Variants in NALF1 observed in about 807,000 individuals in gnomAD.
NALF1 encodes the protein family with sequence similarity 155 member A.
NALF1 carries 3 observed loss-of-function variants against 48.4 expected under a neutral mutation model. The observed-to-expected ratio is 0.06, with a 90% CI of 0.03 to 0.16. The LOEUF is 0.16. Among genes scored for constraint, NALF1 ranks in the 10% least tolerant of loss-of-function variants. The probability of loss-of-function intolerance (pLI) is 1.00; values close to 1 mark genes in which losing one functional copy is unlikely to be tolerated. For synonymous variants in NALF1, 262 were observed against 245.7 expected (o/e 1.07, Z -0.62); for missense variants, 526 against 571.5 (o/e 0.92, Z 0.81).
At chr13:107,619,771 G>A (rs560312394) in intron 1 of NALF1, among the ~76,000 whole-genome samples, 4 of 152,152 alleles carry the variant, frequency 2.6e-5, no homozygotes, top group East Asian at 1.9e-4. Context: ...GCAGAACTAC[G>A]ACAAGAATGT....
intron 1 of NALF1, among the ~76,000 whole-genome samples, chr13:107,385,650 T>C (rs1239763688): frequency 3.3e-5 from 5 of 151,696 alleles, no homozygotes. Flanking sequence ...TAGAAATTAA[T>C]TACACTGAAA....
chr13:107,494,962 C>G (rs1200273082), intron 1 of NALF1, among the ~76,000 whole-genome samples: 1 of 152,180 alleles, frequency 6.6e-6, no homozygotes, highest in Non-Finnish European at 1.5e-5. Flanking sequence ...ATAAGACAAG[C>G]AACTGCTTCT....
intron 1 of NALF1, among the ~76,000 whole-genome samples, chr13:107,519,986 AT>A (rs1566375050): frequency 1.3e-5 from 2 of 152,208 alleles, no homozygotes; most frequent in East Asian, 3.8e-4. Context: ...TGCTTTAAAA[AT>A]TGGAATTGCG....
chr13:107,364,753 G>A (rs1279599626), intron 1 of NALF1, among the ~76,000 whole-genome samples: 3 of 152,062 alleles, frequency 2.0e-5, no homozygotes, highest in Admixed American at 6.5e-5. Context: ...AAGGGGGTCA[G>A]ACACAAGCAT....
chr13:107,580,923 G>A (rs1194726485), intron 1 of NALF1, among the ~76,000 whole-genome samples: 2 of 152,108 alleles, frequency 1.3e-5, no homozygotes, highest in African/African-American at 4.8e-5. Context: ...CTTAACAATG[G>A]GAGAAACACT....
chr13:107,184,762 AT>A (rs1879137873), intron 2 of NALF1, among the ~76,000 whole-genome samples: 1 of 152,112 alleles, frequency 6.6e-6, no homozygotes, highest in Non-Finnish European at 1.5e-5. Context: ...ATATGCTATT[AT>A]TTTGTTTCTG....
intron 1 of NALF1, among the ~76,000 whole-genome samples, chr13:107,433,818 T>C (rs1275212397): frequency 1.3e-5 from 2 of 152,170 alleles, no homozygotes; most frequent in African/African-American, 4.8e-5. Context: ...AACTCCCAGA[T>C]GCTCTGCTGG....
At position 107,483,046 on chromosome 13, in the gene NALF1, T is replaced by C. The variant is rs754599899; in HGVS notation, c.916-272291A>G. Reference sequence around the variant, plus strand: ...GGTGTTGGAGTTTTACGTTTATTGGTGGGATTATCTGATTGATGTCTACCT... The same window carrying C: ...GGTGTTGGAGTTTTACGTTTATTGGCGGGATTATCTGATTGATGTCTACCT... On this transcript the variant is annotated intron_variant, in intron 1 of 2. Coordinates refer to ENST00000375915, the MANE Select transcript of NALF1 (RefSeq NM_001080396.3). Among the ~76,000 whole-genome samples, 33 of 152,096 alleles carry C rather than the reference T, an allele frequency of 2.2e-4. 1 individual carries two copies. Among genetic ancestry groups the C allele is most frequent in the Admixed American group, 4.6e-4 (7 of 15,258 alleles).
At chr13:107,864,372 T>C (rs943081694) in intron 1 of NALF1, among the ~76,000 whole-genome samples, 1 of 152,170 alleles carries the variant, frequency 6.6e-6, no homozygotes, top group Non-Finnish European at 1.5e-5. Context: ...CAAAGTAAAA[T>C]ATGGCCTTTC....
chr13:107,380,726 C>T (rs1883420476), intron 1 of NALF1, among the ~76,000 whole-genome samples: 1 of 152,114 alleles, frequency 6.6e-6, no homozygotes, highest in African/African-American at 2.4e-5. Context: ...CGTCTGTAAT[C>T]CCAGCACTTT....
chr13:107,366,646 T>C (rs1883156868), intron 1 of NALF1, among the ~76,000 whole-genome samples: 1 of 152,200 alleles, frequency 6.6e-6, no homozygotes, highest in African/African-American at 2.4e-5. Flanking sequence ...GGAAAATAAA[T>C]TAAACTGTGG....
At chr13:107,385,552 C>CAAAAAAAAAAAAAA (rs201307018) in intron 1 of NALF1, among the ~76,000 whole-genome samples, 9 of 118,292 alleles carry the variant, frequency 7.6e-5, no homozygotes, top group South Asian at 2.9e-4. Context: ...GATTCCATCT[C>CAAAAAAAAAAAAAA]AAAAAAAAAA....
chr13:107,546,215 G>A (rs140358158), intron 1 of NALF1, among the ~76,000 whole-genome samples: 1 of 152,226 alleles, frequency 6.6e-6, no homozygotes, highest in African/African-American at 2.4e-5. Context: ...CTGCTGCTCT[G>A]CAGACAGGCC....
At chr13:107,347,324 C>G (rs1413901998) in intron 1 of NALF1, among the ~76,000 whole-genome samples, 8 of 152,180 alleles carry the variant, frequency 5.3e-5, no homozygotes, top group Non-Finnish European at 1.2e-4. Context: ...TGTGTAGCAC[C>G]CTTGCCTTTG....
At chr13:107,519,165 A>T (rs964806401) in intron 1 of NALF1, among the ~76,000 whole-genome samples, 3 of 152,116 alleles carry the variant, frequency 2.0e-5, no homozygotes, top group Non-Finnish European at 2.9e-5. Flanking sequence ...TTACAGAATT[A>T]AAAAAATATA....
intron 1 of NALF1, among the ~76,000 whole-genome samples, chr13:107,847,650 T>C (rs920422749): frequency 5.3e-5 from 8 of 152,172 alleles, no homozygotes; most frequent in Non-Finnish European, 1.0e-4. Flanking sequence ...AGCGAACAGC[T>C]GAGATCCTCA....
chr13:107,632,127 A>C (rs749543235), intron 1 of NALF1, among the ~76,000 whole-genome samples: 1 of 152,178 alleles, frequency 6.6e-6, no homozygotes, highest in Non-Finnish European at 1.5e-5. Context: ...AAATGAGTTT[A>C]ATGTGCCACA....
At chr13:107,828,036 G>A (rs1879572596) in intron 1 of NALF1, among the ~76,000 whole-genome samples, 1 of 152,164 alleles carries the variant, frequency 6.6e-6, no homozygotes, top group Non-Finnish European at 1.5e-5. Flanking sequence ...AGCTGGCTGT[G>A]CCAATGTATA....
chr13:107,394,076 C>T (rs1285886031), intron 1 of NALF1, among the ~76,000 whole-genome samples: 1 of 152,088 alleles, frequency 6.6e-6, no homozygotes, highest in Non-Finnish European at 1.5e-5. Flanking sequence ...CGCATGATGC[C>T]AACACCAAAT....
Sources: gnomAD v4.1 joint callset for allele counts (sites outside exome capture counted in the v4.1 genomes callset) on GRCh38, gnomAD v4.1.1 for gene constraint, MANE v1.5 for transcripts, NCBI Gene and HGNC (gene_info 2026-07-23, HGNC 2026-07-21) for gene names.